PCDHGA11: variants seen among roughly 807,000 people sequenced by gnomAD.
The protein encoded by PCDHGA11 is protocadherin gamma-A11.
In PCDHGA11, 39 loss-of-function variants were observed where a neutral mutation model predicts 60.4. That is an observed-to-expected ratio of 0.65 (90% CI 0.50 to 0.84). The LOEUF (loss-of-function observed/expected upper bound fraction) is 0.84, where lower values mean the gene tolerates loss of function less well. Ranked by LOEUF, PCDHGA11 falls within the 40% of genes least tolerant of loss-of-function variation. PCDHGA11 has a pLI of 0.00. For missense variants in PCDHGA11, 1,165 were observed against 1,197.7 expected, an observed-to-expected ratio of 0.97 and a Z score of 0.40; for synonymous variants, 533 against 510.3, an observed-to-expected ratio of 1.04 and a Z score of -0.60.
intron 1 of PCDHGA11, 169 bp downstream of exon 1, chr5:141,423,829 A>G: frequency 7.9e-7 from 1 of 1,268,964 alleles, no homozygotes; most frequent in Non-Finnish European, 9.9e-7. Flanking sequence ...GCCTTTCATG[A>G]GATTACGATA....
chr5:141,511,489 A>G lies in PCDHGA11; in HGVS notation c.*316A>G. 2.3e-6 allele frequency: 1 copy of G among 435,688 alleles called. No individual in the cohort carries two copies. Among genetic ancestry groups the G allele is most frequent in the Non-Finnish European group, 4.2e-6 (1 of 239,908 alleles). The allele number at this position is 435,688 out of a possible 1,614,324, so 27.0% of individuals were successfully genotyped here. ...CGTTTAGTTACAGCTGAACTCCTCC[A>G]TCTTCCAAATCAATCAGGCCCATCC... On this transcript the variant is annotated 3_prime_UTR_variant, in exon 4 of 4. Coordinates refer to ENST00000398587, the MANE Select transcript of PCDHGA11 (RefSeq NM_018914.3).
intron 1 of PCDHGA11, among the ~76,000 whole-genome samples, chr5:141,433,404 T>TATCTATCA (rs757435896): frequency 6.8e-6 from 1 of 146,200 alleles, no homozygotes; most frequent in Non-Finnish European, 1.5e-5. Flanking sequence ...TCTATCTATC[T>TATCTATCA]ATTACTTTCT....
rs1445179310 is a variant in PCDHGA11, at chr5:141,422,919, G to A, written c.1692G>A (p.Leu564=). 6 of 1,614,238 alleles carry A rather than the reference G, an allele frequency of 3.7e-6. No homozygotes were observed. The highest frequency in any genetic ancestry group is 5.1e-6 in the Non-Finnish European group (6 of 1,180,040). Residue 564 remains leucine (L), a synonymous_variant, in exon 1 of 4, where the codon CTG becomes CTA. Coordinates refer to ENST00000398587, the MANE Select transcript of PCDHGA11 (RefSeq NM_018914.3). The part of the protein sequence containing the change: ...LDQNDNAPEI[L]YPALPTDGST... The stretch of plus-strand genomic sequence containing the variant: ...AGAACGACAATGCGCCCGAGATCCT[G>A]TACCCTGCCCTCCCCACAGACGGCT...
chr5:141,495,878 T>C (rs2099764378), intron 2 of PCDHGA11, among the ~76,000 whole-genome samples: 1 of 152,184 alleles, frequency 6.6e-6, no homozygotes, highest in African/African-American at 2.4e-5. Context: ...TTCCTCTCTG[T>C]TCTTTGTCTC....
Position 141,491,676 on chromosome 5 carries a change from T to C in PCDHGA11, c.2434-3131T>C. On this transcript the variant is annotated intron_variant, in intron 1 of 3. Coordinates refer to ENST00000398587, the MANE Select transcript of PCDHGA11 (RefSeq NM_018914.3). The surrounding 1 kb of genome is among the most constrained non-coding windows in gnomAD (Gnocchi z 6.9). ...AGCCTGACGCCATCCGGTCCCGCTC[T>C]AATACGCTGCGGGAGCGGAGCCAGG... 3.1e-6 allele frequency: 5 copies of C among 1,613,546 alleles called. No individual in the cohort carries two copies. Among genetic ancestry groups the C allele is most frequent in the Non-Finnish European group, 4.2e-6 (5 of 1,179,848 alleles).
intron 1 of PCDHGA11, chr5:141,478,484 C>A (rs376021397): frequency 1.2e-5 from 20 of 1,613,340 alleles, no homozygotes; most frequent in Non-Finnish European, 1.4e-5. Context: ...GAACACGCTG[C>A]GGAGCTGTGA....
rs1168799961 is a variant in PCDHGA11, at chr5:141,487,844, A to G, written c.2434-6963A>G. ...CGGGTCATGCCTATATCTGAGTAAG[A>G]AATGAAAGTAATTGGTGATCAAGAG... On this transcript the variant is annotated intron_variant, in intron 1 of 3. Coordinates refer to ENST00000398587, the MANE Select transcript of PCDHGA11 (RefSeq NM_018914.3). The surrounding 1 kb of genome is among the most constrained non-coding windows in gnomAD (Gnocchi z 5.0). 2 of 1,043,076 alleles carry G rather than the reference A, an allele frequency of 1.9e-6. No homozygotes were observed. Among genetic ancestry groups the G allele is most frequent in the Non-Finnish European group, 2.7e-6 (2 of 730,916 alleles). The allele number at this position is 1,043,076 out of a possible 1,614,324, so 64.6% of individuals were successfully genotyped here.
intron 1 of PCDHGA11, among the ~76,000 whole-genome samples, chr5:141,447,165 G>T (rs1192617600): frequency 6.6e-6 from 1 of 151,842 alleles, no homozygotes; most frequent in African/African-American, 2.4e-5. Flanking sequence ...TTTAAGCGGG[G>T]TCTTGCTCTT....
At position 141,431,276 on chromosome 5, in the gene PCDHGA11, A is replaced by T; in HGVS notation, c.2433+7616A>T. 6.2e-7 allele frequency: 1 copy of T among 1,614,176 alleles called. No individual in the cohort carries two copies. Among genetic ancestry groups the T allele is most frequent in the South Asian group, 1.1e-5 (1 of 91,084 alleles). ...GAACTCTCTGCAGAGCTACGAGCTC[A>T]GCCCGAACACTCACTTCTCCCTCAT... is the stretch of plus-strand genomic sequence containing the variant. On this transcript the variant is annotated intron_variant, in intron 1 of 3. Transcript: ENST00000398587. The surrounding 1 kb of genome is among the most constrained non-coding windows in gnomAD (Gnocchi z 4.8).
intron 1 of PCDHGA11, among the ~76,000 whole-genome samples, chr5:141,456,363 G>A (rs1233146015): frequency 6.6e-6 from 1 of 152,098 alleles, no homozygotes; most frequent in African/African-American, 2.4e-5. Flanking sequence ...GTCCATGTGT[G>A]GTTCAGTTTA....
At chr5:141,450,489 CTG>C (rs2098682348) in intron 1 of PCDHGA11, among the ~76,000 whole-genome samples, 1 of 150,280 alleles carries the variant, frequency 6.7e-6, no homozygotes, top group Admixed American at 6.6e-5. Context: ...GTTTGTTTGT[CTG>C]TTTGTTTGTT....
At chr5:141,498,971 G>GGAAGGAA (rs2099787559) in intron 2 of PCDHGA11, among the ~76,000 whole-genome samples, 2 of 111,052 alleles carry the variant, frequency 1.8e-5, no homozygotes, top group African/African-American at 7.2e-5. Context: ...GAGGGAGGGA[G>GGAAGGAA]GGAAGGAAGG....
chr5:141,441,836 C>T (rs1026890754), intron 1 of PCDHGA11: 2 of 354,006 alleles, frequency 5.6e-6, no homozygotes, highest in Non-Finnish European at 1.1e-5. Flanking sequence ...AATGGCTTCG[C>T]GCTCTTGGAT....
In PCDHGA11 at chr5:141,423,512, C is replaced by T. The variant is rs765694240; in HGVS notation, c.2285C>T (p.Ala762Val). 55 of 1,613,552 alleles carry T rather than the reference C, an allele frequency of 3.4e-5. No individual in the cohort carries two copies. The highest frequency in any genetic ancestry group is 2.8e-4 in the African/African-American group (21 of 74,924). The change falls in exon 1 of 4, where the codon GCG becomes GTG. Residue 762 changes from alanine to valine, a missense_variant. Ala to Val is a moderately conservative substitution (Grantham distance 64, BLOSUM62 0). Coordinates refer to ENST00000398587, the MANE Select transcript of PCDHGA11 (RefSeq NM_018914.3). ...TATTCCCACGAGGTCTCTCTCATTGCGGACTCGCAGAAGAGTCACCTGATT... is the reference window on the plus strand; with the variant it reads ...TATTCCCACGAGGTCTCTCTCATTGTGGACTCGCAGAAGAGTCACCTGATT... ...QTYSHEVSLIADSQKSHLIFP... is the reference protein window; with the variant it reads ...QTYSHEVSLIVDSQKSHLIFP...
chr5:141,508,451 C>T (rs1245251907), intron 3 of PCDHGA11, among the ~76,000 whole-genome samples: 1 of 152,180 alleles, frequency 6.6e-6, no homozygotes, highest in Admixed American at 6.5e-5. Flanking sequence ...AGTGGCAGAG[C>T]AGAGCAAATA....
In PCDHGA11 at chr5:141,432,897, C is replaced by A. The variant is rs780142081; in HGVS notation, c.2433+9237C>A. 1.2e-6 allele frequency: 2 copies of A among 1,614,178 alleles called. No individual in the cohort carries two copies. Among genetic ancestry groups the A allele is most frequent in the Non-Finnish European group, 1.7e-6 (2 of 1,180,010 alleles). On this transcript the variant is annotated intron_variant, in intron 1 of 3. Coordinates refer to ENST00000398587, the MANE Select transcript of PCDHGA11 (RefSeq NM_018914.3). The surrounding 1 kb of genome is among the most constrained non-coding windows in gnomAD (Gnocchi z 6.0). ...CTGGCCTTCGTCATCTTGCTGCTGGCGCTCAGGCTGCGGCGCTGGCACAAG... is the reference window on the plus strand; with the variant it reads ...CTGGCCTTCGTCATCTTGCTGCTGGAGCTCAGGCTGCGGCGCTGGCACAAG...
intron 1 of PCDHGA11, among the ~76,000 whole-genome samples, chr5:141,480,959 C>A (rs1476891394): frequency 1.3e-5 from 2 of 152,086 alleles, no homozygotes; most frequent in East Asian, 3.8e-4. Flanking sequence ...GCGGAAGCAT[C>A]AGTGAGGGAG....
intron 1 of PCDHGA11, chr5:141,427,447 T>A (rs556527924): frequency 1.9e-4 from 92 of 483,324 alleles, no homozygotes; most frequent in African/African-American, 1.4e-3. Context: ...AACGAAAGAG[T>A]TCCTTTTAGA....
Position 141,485,859 on chromosome 5 carries a change from G to A in PCDHGA11, c.2434-8948G>A, listed in dbSNP as rs1272239385. ...CCGAGATCTGGCACCGCAGAGCTCC[G>A]GGTATCCGTGCTGGACGTAAACGAC... On this transcript the variant is annotated intron_variant, in intron 1 of 3. Transcript: ENST00000398587. This position sits in a 1 kb window ranked among gnomAD's most constrained non-coding sequence, Gnocchi z 5.7. 3.7e-6 allele frequency: 6 copies of A among 1,614,046 alleles called. No homozygotes were observed. Among genetic ancestry groups the A allele is most frequent in the Admixed American group, 3.3e-5 (2 of 60,000 alleles).
Sources: gnomAD v4.1 joint callset for allele counts (sites outside exome capture counted in the v4.1 genomes callset) on GRCh38, gnomAD v4.1.1 for gene constraint, Gnocchi (gnomAD v3.1) non-coding constraint, MANE v1.5 for transcripts, NCBI Gene and HGNC (gene_info 2026-07-23, HGNC 2026-07-21) for gene names.